MBD5: variants seen among roughly 807,000 people sequenced by gnomAD.
MBD5 encodes the protein methyl-CpG binding domain protein 5, also known as methyl-CpG-binding domain protein 5.
MBD5 carries 13 observed loss-of-function variants against 117.3 expected under a neutral mutation model. The observed-to-expected ratio is 0.11, with a 90% confidence interval of 0.07 to 0.18. The LOEUF (loss-of-function observed/expected upper bound fraction) is 0.18, where lower values mean the gene tolerates loss of function less well. Ranked by LOEUF, MBD5 falls within the 10% of genes least tolerant of loss-of-function variation. MBD5 has a pLI of 1.00. For missense variants in MBD5, 1,879 were observed against 2,093.8 expected, an observed-to-expected ratio of 0.90 and a Z score of 2.00; for synonymous variants, 727 against 766.4, an observed-to-expected ratio of 0.95 and a Z score of 0.85.
chr2:148,297,804 C>T (rs964873815), intron 3 of MBD5, among the ~76,000 whole-genome samples: 4 of 152,072 alleles, frequency 2.6e-5, no homozygotes, highest in East Asian at 1.9e-4. Context: ...ATACTAGCCT[C>T]CTTTTGCATA....
intron 3 of MBD5, among the ~76,000 whole-genome samples, chr2:148,245,436 A>G (rs1048589007): frequency 6.6e-6 from 1 of 151,860 alleles, no homozygotes; most frequent in African/African-American, 2.4e-5. Context: ...TATTTTTTTT[A>G]ATTAGCTGAG....
intron 4 of MBD5, among the ~76,000 whole-genome samples, chr2:148,456,422 G>A (rs2105519598): frequency 6.6e-6 from 1 of 152,182 alleles, no homozygotes; most frequent in African/African-American, 2.4e-5. Context: ...TTGGGGGTTA[G>A]GATTTCAACC....
intron 3 of MBD5, among the ~76,000 whole-genome samples, chr2:148,241,838 T>A (rs936615429): frequency 6.6e-6 from 1 of 152,214 alleles, no homozygotes; most frequent in African/African-American, 2.4e-5. Flanking sequence ...CTCTAACATG[T>A]CTTCAAATAA....
chr2:148,213,535 GATAT>G (rs1397007704), intron 2 of MBD5, among the ~76,000 whole-genome samples: 1 of 152,068 alleles, frequency 6.6e-6, no homozygotes, highest in Non-Finnish European at 1.5e-5. Context: ...TATTTAGGTG[GATAT>G]TGAAAAGTAA....
chr2:148,492,586 T>A (rs998923374), intron 11 of MBD5, among the ~76,000 whole-genome samples: 1 of 152,052 alleles, frequency 6.6e-6, no homozygotes, highest in African/African-American at 2.4e-5. Flanking sequence ...TCAGCATTTT[T>A]AAAAACCTGT....
chr2:148,114,807 G>C (rs1159599633), intron 1 of MBD5, among the ~76,000 whole-genome samples: 10 of 152,046 alleles, frequency 6.6e-5, no homozygotes, highest in Admixed American at 6.6e-4. Context: ...AGATAGGTTT[G>C]ATTAATGTAG....
In MBD5 at chr2:148,463,810, C is replaced by T; in HGVS notation, c.288C>T (p.Val96=). 6.2e-7 allele frequency: 1 copy of T among 1,613,806 alleles called. No homozygotes were observed. The highest frequency in any genetic ancestry group is 2.2e-5 in the East Asian group (1 of 44,874). The change falls in exon 7 of 14, where the codon GTC becomes GTT. Residue 96 remains valine, a synonymous_variant. Transcript: ENST00000642680. ...AAGATGTTAAGGCAGATGAAGATGTCACAAAGCTATGCATACATAAAAGAA... is the reference window on the plus strand; with the variant it reads ...AAGATGTTAAGGCAGATGAAGATGTTACAAAGCTATGCATACATAAAAGAA... ...TAEDVKADED[V]TKLCIHKRKI...
chr2:148,031,240 G>C (rs1694029786), intron 1 of MBD5, among the ~76,000 whole-genome samples: 1 of 152,122 alleles, frequency 6.6e-6, no homozygotes, highest in Non-Finnish European at 1.5e-5. Flanking sequence ...AAGGTTTGAA[G>C]ACTAAGTACT....
intron 3 of MBD5, among the ~76,000 whole-genome samples, chr2:148,256,357 C>T (rs1221146271): frequency 6.6e-6 from 1 of 152,230 alleles, no homozygotes; most frequent in Admixed American, 6.5e-5. Flanking sequence ...AAGGCATCTG[C>T]CTCATCATTG....
intron 4 of MBD5, among the ~76,000 whole-genome samples, chr2:148,450,711 G>A (rs1706701894): frequency 6.6e-6 from 1 of 152,156 alleles, no homozygotes; most frequent in Admixed American, 6.6e-5. Flanking sequence ...ACTGGTCAAA[G>A]CAAATCACAA....
chr2:148,376,792 AT>A (rs1704001377), intron 4 of MBD5, among the ~76,000 whole-genome samples: 2 of 135,082 alleles, frequency 1.5e-5, no homozygotes, highest in South Asian at 4.4e-4. Context: ...ATTTATATAT[AT>A]AATTTTATAT....
At chr2:148,468,236 G>A in intron 7 of MBD5, 105 bp from the exon 8 acceptor site, 1 of 856,214 alleles carries the variant, frequency 1.2e-6, no homozygotes, top group Non-Finnish European at 1.9e-6. Flanking sequence ...ATTTCCAGAT[G>A]CCCATCCTCC....
intron 3 of MBD5, among the ~76,000 whole-genome samples, chr2:148,308,491 C>CTTTTTTTTTTT (rs60650324): frequency 1.5e-5 from 1 of 66,772 alleles, no homozygotes. Context: ...GGGGTTCTTT[C>CTTTTTTTTTTT]TTTTTTTTTT....
intron 1 of MBD5, among the ~76,000 whole-genome samples, chr2:148,119,942 C>G (rs1696727473): frequency 1.3e-5 from 2 of 149,290 alleles, no homozygotes; most frequent in Admixed American, 1.3e-4. Context: ...CTCACTTTGT[C>G]ACGCATGCTC....
intron 3 of MBD5, among the ~76,000 whole-genome samples, chr2:148,263,919 A>C (rs1379343088): frequency 6.6e-6 from 1 of 152,184 alleles, no homozygotes; most frequent in Non-Finnish European, 1.5e-5. Context: ...GGTTACTTCT[A>C]ATTTCTCTAG....
At chr2:148,362,214 C>T (rs955773698) in intron 4 of MBD5, among the ~76,000 whole-genome samples, 3 of 152,178 alleles carry the variant, frequency 2.0e-5, no homozygotes, top group Admixed American at 1.3e-4. Flanking sequence ...CCCCACAGAG[C>T]GCAGCAAGCT....
In MBD5 at chr2:148,299,818, C is replaced by G. The variant is rs144818086; in HGVS notation, c.-679-42396C>G. On this transcript the variant is annotated intron_variant, in intron 3 of 13. Transcript: ENST00000642680. ...GTACACTTTAAATGCTTCAGGAAGT[C>G]AGTCATAACCTTTTATATTTGCCCA... Among the ~76,000 whole-genome samples the G allele has an allele frequency of 7.3e-4, 111 of 152,284 alleles. 1 individual carries two copies. The Middle Eastern group carries it at 0.02, about 28-fold the overall frequency.
intron 7 of MBD5, among the ~76,000 whole-genome samples, chr2:148,467,733 A>G (rs546248094): frequency 6.6e-6 from 1 of 152,312 alleles, no homozygotes; most frequent in African/African-American, 2.4e-5. Context: ...GAATCCCATT[A>G]GACAGAAATC....
intron 1 of MBD5, among the ~76,000 whole-genome samples, chr2:148,110,458 T>C (rs1488753577): frequency 6.6e-6 from 1 of 152,216 alleles, no homozygotes; most frequent in Non-Finnish European, 1.5e-5. Flanking sequence ...GTATTGTTAT[T>C]AAGACTGATA....
Sources: gnomAD v4.1 joint callset for allele counts (sites outside exome capture counted in the v4.1 genomes callset) on GRCh38, gnomAD v4.1.1 for gene constraint, MANE v1.5 for transcripts, NCBI Gene and HGNC (gene_info 2026-07-23, HGNC 2026-07-21) for gene names.